Variants in EPB41L2 observed in about 807,000 individuals in gnomAD.
EPB41L2 encodes the protein band 4.1-like protein 2.
In EPB41L2, 43 loss-of-function variants were observed where a neutral mutation model predicts 113.0. That is an observed-to-expected ratio of 0.38 (90% CI 0.30 to 0.49). The LOEUF is 0.49. Ranked by LOEUF, EPB41L2 falls within the 20% of genes least tolerant of loss-of-function variation. EPB41L2 has a pLI of 0.95. For synonymous variants in EPB41L2, 442 were observed against 436.7 expected (o/e 1.01, Z -0.15); for missense variants, 1,147 against 1,223.4 (o/e 0.94, Z 0.93).
At chr6:131,055,159 G>C (rs1054175962) in intron 1 of EPB41L2, among the ~76,000 whole-genome samples, 20 of 152,150 alleles carry the variant, frequency 1.3e-4, no homozygotes, top group Admixed American at 2.6e-4. Flanking sequence ...GGGAGCTAGG[G>C]CACTGGTCTG....
At chr6:130,989,658 A>G (rs1781377117) in intron 1 of EPB41L2, among the ~76,000 whole-genome samples, 1 of 152,230 alleles carries the variant, frequency 6.6e-6, no homozygotes, top group Non-Finnish European at 1.5e-5. Flanking sequence ...TAGAGACTAA[A>G]AACTTAAATG....
intron 1 of EPB41L2, among the ~76,000 whole-genome samples, chr6:131,016,004 T>C (rs1263964390): frequency 6.6e-6 from 1 of 152,224 alleles, no homozygotes; most frequent in Non-Finnish European, 1.5e-5. Context: ...CATCACTTTC[T>C]TGAAGATAGG....
chr6:130,965,282 A>G (rs1290312657), intron 1 of EPB41L2, among the ~76,000 whole-genome samples: 1 of 152,200 alleles, frequency 6.6e-6, no homozygotes, highest in African/African-American at 2.4e-5. Flanking sequence ...ACCAATTCAT[A>G]AATCTTGGTA....
chr6:130,857,548 T>A (rs1224962173), intron 19 of EPB41L2, among the ~76,000 whole-genome samples: 1 of 129,208 alleles, frequency 7.7e-6, no homozygotes. Context: ...CTCAGATGTA[T>A]CTTTTTTTTT....
chr6:130,888,425 ACCT>A (rs1305859854), intron 11 of EPB41L2, among the ~76,000 whole-genome samples: 1 of 152,074 alleles, frequency 6.6e-6, no homozygotes, highest in Non-Finnish European at 1.5e-5. Flanking sequence ...TCAGATACAG[ACCT>A]CCTGTAACCC....
At chr6:131,050,118 C>T (rs1796235827) in intron 1 of EPB41L2, among the ~76,000 whole-genome samples, 1 of 152,180 alleles carries the variant, frequency 6.6e-6, no homozygotes, top group Non-Finnish European at 1.5e-5. Context: ...GAGGGCAGAT[C>T]ACCTGAGGTC....
At chr6:130,907,020 G>A (rs1478458441) in intron 5 of EPB41L2, among the ~76,000 whole-genome samples, 2 of 151,950 alleles carry the variant, frequency 1.3e-5, no homozygotes, top group Non-Finnish European at 2.9e-5. Flanking sequence ...ATTCATAATC[G>A]GCAAGAGGTT....
At chr6:131,022,721 T>C (rs1789790637) in intron 1 of EPB41L2, among the ~76,000 whole-genome samples, 1 of 152,170 alleles carries the variant, frequency 6.6e-6, no homozygotes, top group Admixed American at 6.5e-5. Flanking sequence ...AAAAACAGTG[T>C]CATCATCATC....
At chr6:130,844,286 G>T (rs1348391482) in intron 19 of EPB41L2, among the ~76,000 whole-genome samples, 1 of 152,186 alleles carries the variant, frequency 6.6e-6, no homozygotes, top group African/African-American at 2.4e-5. Context: ...CTTAAGGCTG[G>T]GCATGGTGGC....
intron 4 of EPB41L2, among the ~76,000 whole-genome samples, chr6:130,911,882 A>G (rs1441445901): frequency 6.8e-6 from 1 of 146,964 alleles, no homozygotes; most frequent in Admixed American, 6.8e-5. Flanking sequence ...GCAGTGTCCA[A>G]AATAATATAA....
intron 1 of EPB41L2, among the ~76,000 whole-genome samples, chr6:130,974,648 C>T (rs890238379): frequency 6.7e-6 from 1 of 149,758 alleles, no homozygotes; most frequent in Non-Finnish European, 1.5e-5. Context: ...CCAAAATTCA[C>T]ATCAATTTGG....
intron 14 of EPB41L2, among the ~76,000 whole-genome samples, chr6:130,871,405 A>G (rs960010151): frequency 6.6e-6 from 1 of 152,198 alleles, no homozygotes; most frequent in Admixed American, 6.5e-5. Flanking sequence ...TCCATTCTGG[A>G]TGGAGAAGGG....
At chr6:130,962,024 G>A (rs1476700056) in intron 1 of EPB41L2, among the ~76,000 whole-genome samples, 1 of 152,146 alleles carries the variant, frequency 6.6e-6, no homozygotes, top group Admixed American at 6.5e-5. Context: ...CTTGTGGGTA[G>A]AGGATATGTA....
intron 8 of EPB41L2, among the ~76,000 whole-genome samples, chr6:130,896,821 G>A (rs1213410552): frequency 6.6e-6 from 1 of 152,156 alleles, no homozygotes; most frequent in Non-Finnish European, 1.5e-5. Context: ...GCTCCATGGA[G>A]CAATGCATGG....
chr6:130,966,018 T>C (rs117807014), intron 1 of EPB41L2, among the ~76,000 whole-genome samples: 6,934 of 150,346 alleles, frequency 0.046, 234 homozygotes, highest in East Asian at 0.12. Context: ...TAACAATAGC[T>C]GATGAGCTTT....
chr6:130,901,588 C>T (rs1796326902), intron 6 of EPB41L2, among the ~76,000 whole-genome samples: 1 of 152,084 alleles, frequency 6.6e-6, no homozygotes, highest in African/African-American at 2.4e-5. Flanking sequence ...GTCACCCACC[C>T]TTTATCATCT....
chr6:130,963,793 A>T (rs531575400), intron 1 of EPB41L2, among the ~76,000 whole-genome samples: 1 of 152,314 alleles, frequency 6.6e-6, no homozygotes, highest in African/African-American at 2.4e-5. Flanking sequence ...ATTTTTATTC[A>T]CATAACCATA....
At chr6:130,992,465 A>C (rs1169714731) in intron 1 of EPB41L2, among the ~76,000 whole-genome samples, 5 of 152,200 alleles carry the variant, frequency 3.3e-5, no homozygotes, top group African/African-American at 1.2e-4. Flanking sequence ...GTTAATCAAT[A>C]ATTGCACCTA....
intron 1 of EPB41L2, among the ~76,000 whole-genome samples, chr6:131,044,419 T>G (rs1795040644): frequency 1.3e-5 from 2 of 152,322 alleles, no homozygotes. Context: ...TTCTTAAAAC[T>G]TTTTAATTTA....
Sources: allele counts gnomAD v4.1 joint callset (sites outside exome capture counted in the v4.1 genomes callset), GRCh38; gene constraint gnomAD v4.1.1; transcripts MANE v1.5; gene names NCBI Gene and HGNC (gene_info 2026-07-23, HGNC 2026-07-21).